Variants in TRMT5 observed in about 807,000 individuals in gnomAD.
The protein encoded by TRMT5 is tRNA methyltransferase 5, also known as tRNA (guanine(37)-N(1))-methyltransferase.
In TRMT5, 31 loss-of-function variants were observed where a neutral mutation model predicts 42.2. That is an observed-to-expected ratio of 0.73 (90% CI 0.55 to 0.99). TRMT5 has a LOEUF of 0.99. Among genes scored for constraint, TRMT5 ranks in the 50% least tolerant of loss-of-function variants. The pLI, the probability that TRMT5 is intolerant of heterozygous loss-of-function variation, is 0.00. For missense variants in TRMT5, 568 were observed against 595.0 expected, an observed-to-expected ratio of 0.95 and a Z score of 0.47; for synonymous variants, 198 against 209.6, an observed-to-expected ratio of 0.94 and a Z score of 0.48.
chr14:60,976,312 GCCAGTTA>G (rs2036846458), intron 3 of TRMT5, among the ~76,000 whole-genome samples, 186 bp from the exon 4 acceptor site: 2 of 152,104 alleles, frequency 1.3e-5, no homozygotes, highest in South Asian at 4.1e-4. Flanking sequence ...TATTCCTAAG[GCCAGTTA>G]ATATACTGCA....
upstream of TRMT5, chr14:60,981,674 ATG>A (rs1461041829): frequency 7.2e-7 from 1 of 1,398,568 alleles, no homozygotes; most frequent in South Asian, 1.2e-5. Flanking sequence ...CCCTAGGATT[ATG>A]TACTCACTGC....
At chr14:60,977,719 G>T in intron 2 of TRMT5, 81 bp from the exon 3 acceptor site, 3 of 1,366,464 alleles carry the variant, frequency 2.2e-6, no homozygotes, top group South Asian at 1.6e-5. Context: ...AAACAGAAAT[G>T]AGTTGTATTT....
rs2036811077 is a variant in TRMT5 at position 60,973,901 on chromosome 14, A to G, written c.*1208T>C. On this transcript the variant is annotated 3_prime_UTR_variant, in exon 5 of 5. Transcript: ENST00000261249. ...AGAGACTTACTGTTGTTGCAGCCTC[A>G]TTTTCATTTTGTGAAGAAATTCTGC... The G allele has an allele frequency of 6.6e-6, 1 of 152,120 alleles. No individual in the cohort carries two copies. Among genetic ancestry groups the G allele is most frequent in the Admixed American group, 6.5e-5 (1 of 15,270 alleles). The allele number at this position is 152,120 out of a possible 1,614,324, so 9.4% of individuals were successfully genotyped here. A position where few individuals can be genotyped will look rare whatever the true frequency, so the allele number is the denominator to read the frequency against.
Position 60,979,617 on chromosome 14 carries a change from A to C in TRMT5, c.281T>G (p.Val94Gly). The change falls in exon 2 of 5, where the codon GTC becomes GGC. Residue 94 changes from valine (V) to glycine (G), a missense_variant. Physicochemically the swap from Val to Gly is moderately radical, Grantham distance 109. Transcript: ENST00000261249. ...KLDRTAFKKT[V>G]NIPVLKVRKE... ...CCTCACTTTAAGCACTGGAATGTTGACTGTCTTTTTAAAAGCTGTTCTATC... is the reference window on the plus strand; with the variant it reads ...CCTCACTTTAAGCACTGGAATGTTGCCTGTCTTTTTAAAAGCTGTTCTATC... 2 of 1,614,094 alleles carry C rather than the reference A, an allele frequency of 1.2e-6. No homozygotes were observed. The highest frequency in any genetic ancestry group is 1.7e-6 in the Non-Finnish European group (2 of 1,180,018).
intron 3 of TRMT5, among the ~76,000 whole-genome samples, chr14:60,977,181 T>C (rs2036858921): frequency 1.3e-5 from 2 of 152,216 alleles, no homozygotes; most frequent in East Asian, 3.8e-4. Flanking sequence ...GAGAACTATT[T>C]TATACATACT....
intron 4 of TRMT5, 118 bp from the exon 5 acceptor site, chr14:60,975,312 T>C: frequency 7.6e-7 from 1 of 1,308,740 alleles, no homozygotes; most frequent in Non-Finnish European, 1.0e-6. Flanking sequence ...AATAACATTC[T>C]TGCAGATTTA....
chr14:60,975,316 A>C, intron 4 of TRMT5, 122 bp from the exon 5 acceptor site: 1 of 1,303,824 alleles, frequency 7.7e-7, no homozygotes, highest in African/African-American at 1.5e-5. Flanking sequence ...ACATTCTTGC[A>C]GATTTACTAT....
chr14:60,981,620 G>C (rs1274235206), upstream of TRMT5: 4 of 1,469,704 alleles, frequency 2.7e-6, no homozygotes, highest in South Asian at 2.4e-5. Context: ...GGGTGGAAGA[G>C]ATGCAGCGTT....
Position 60,975,811 on chromosome 14 carries a change from G to C in TRMT5, c.1108C>G (p.Gln370Glu), listed in dbSNP as rs753606672. The change falls in exon 4 of 5, where the codon CAG becomes GAG. Residue 370 changes from glutamine (Q) to glutamate (E), a missense_variant. Coordinates refer to ENST00000261249, the MANE Select transcript of TRMT5 (RefSeq NM_020810.3). Reference protein sequence around the residue: ...LQGPVKEELMQLLGLSKERKP... With the variant: ...LQGPVKEELMELLGLSKERKP... ...CTTTCTTTTGACAGACCCAGCAGCT[G>C]CATTAACTCTTCTTTGACTGGTCCT... The C allele has an allele frequency of 6.2e-6, 10 of 1,614,118 alleles. No homozygotes were observed. Among genetic ancestry groups the C allele is most frequent in the East Asian group, 2.2e-5 (1 of 44,902 alleles).
rs2139642830 is a variant in TRMT5, at chr14:60,977,514, C to T, written c.792G>A (p.Lys264=). 6.2e-7 allele frequency: 1 copy of T among 1,601,616 alleles called. No individual in the cohort carries two copies. Among genetic ancestry groups the T allele is most frequent in the Non-Finnish European group, 8.5e-7 (1 of 1,175,068 alleles). Residue 264 remains lysine, a splice_region_variant and synonymous_variant, in exon 3 of 5, where the codon AAG becomes AAA. Coordinates refer to ENST00000261249, the MANE Select transcript of TRMT5 (RefSeq NM_020810.3). ...CTTACTTGGAGATAATAAAATATAC[C>T]TTTGTCATCATGTTCTGCTCTCCAG... is the stretch of plus-strand genomic sequence containing the variant. The part of the protein sequence containing the change: ...VLSGEQNMMT[K]VRENNYTYEF...
chr14:60,980,395 C>G (rs2036936182), intron 1 of TRMT5, among the ~76,000 whole-genome samples: 1 of 152,158 alleles, frequency 6.6e-6, no homozygotes, highest in Non-Finnish European at 1.5e-5. Context: ...AAAGCTCAGA[C>G]GTAAGGTAAC....
chr14:60,975,730 T>G lies in TRMT5; in HGVS notation c.1189A>C (p.Ser397Arg), dbSNP rs374080694. ...CCATCTAAAAGCCACTTGAAAGCACTAAGAAACTCTATAGCTTTTGCTGGC... is the reference window on the plus strand; with the variant it reads ...CCATCTAAAAGCCACTTGAAAGCACGAAGAAACTCTATAGCTTTTGCTGGC... ...NLPAKAIEFL[S>R]AFKWLLDGQP... The change falls in exon 4 of 5, where the codon AGT becomes CGT. Residue 397 changes from serine (S) to arginine (R), a missense_variant. Transcript: ENST00000261249. The G allele has an allele frequency of 1.7e-5, 28 of 1,614,100 alleles. No homozygotes were observed. In the African/African-American group the frequency reaches 3.1e-4, roughly 18 times the overall value.
In TRMT5 at chr14:60,979,506, T is replaced by A. The variant is rs114026988; in HGVS notation, c.392A>T (p.Glu131Val). ...CATGATTAGTCTACTTTCTTTATCTTCCGGATCTTCAATCACACGTCTTAT... is the reference window on the plus strand; with the variant it reads ...CATGATTAGTCTACTTTCTTTATCTACCGGATCTTCAATCACACGTCTTAT... ...PGIRRVIEDP[E>V]DKESRLIMLD... Residue 131 changes from glutamate (E) to valine (V), a missense_variant, in exon 2 of 5, where the codon GAA (glutamate) becomes GTA (valine). Transcript: ENST00000261249. The A allele has an allele frequency of 1.9e-5, 31 of 1,614,200 alleles. No homozygotes were observed. The African/African-American group carries it at 4.1e-4, about 22-fold the overall frequency.
chr14:60,981,588 G>C, upstream of TRMT5: 2 of 1,510,386 alleles, frequency 1.3e-6, no homozygotes, highest in Non-Finnish European at 1.8e-6. Flanking sequence ...GCATACTCTA[G>C]AAAGAAAAGA....
intron 2 of TRMT5, 132 bp from the exon 3 acceptor site, chr14:60,977,770 G>A: frequency 1.3e-6 from 1 of 787,538 alleles, no homozygotes; most frequent in Non-Finnish European, 1.8e-6. Flanking sequence ...GTGTAATGTG[G>A]CATGCAATTT....
chr14:60,981,214 C>A (rs1048585739), upstream of TRMT5: 15 of 1,549,490 alleles, frequency 9.7e-6, no homozygotes, highest in Non-Finnish European at 1.2e-5. Context: ...GCGCGACCGA[C>A]GACTGGAGCG....
At chr14:60,981,406 C>T, upstream of TRMT5, 1 of 1,566,258 alleles carries the variant, frequency 6.4e-7, no homozygotes. Context: ...GTTCGCTTCC[C>T]CGCGCTGACG....
At chr14:60,976,261 T>A in intron 3 of TRMT5, 135 bp from the exon 4 acceptor site, 1 of 1,014,556 alleles carries the variant, frequency 9.9e-7, no homozygotes, top group Non-Finnish European at 1.4e-6. Flanking sequence ...CAAACAACAG[T>A]GCATTTAAAG....
At position 60,975,589 on chromosome 14, in the gene TRMT5, C is replaced by T. The variant is rs1325766488; in HGVS notation, c.1330G>A (p.Glu444Lys). The change falls in exon 4 of 5, where the codon GAG (glutamate) becomes AAG (lysine). Residue 444 changes from glutamate (E) to lysine (K), a missense_variant. Glu to Lys is a moderately conservative substitution (Grantham distance 56). Transcript: ENST00000261249. ...RAGAVLGISL[E>K]ACSSVHLVRN... The stretch of plus-strand genomic sequence containing the variant: ...ACCAGGTGAACTGAACTGCATGCCT[C>T]CAGAGAAATGCCTAACACAGCTCCA... The T allele has an allele frequency of 1.9e-6, 3 of 1,614,080 alleles. No individual in the cohort carries two copies. The highest frequency in any genetic ancestry group is 1.7e-6 in the Non-Finnish European group (2 of 1,180,042).
Sources: gnomAD v4.1 joint callset for allele counts (sites outside exome capture counted in the v4.1 genomes callset) on GRCh38, gnomAD v4.1.1 for gene constraint, MANE v1.5 for transcripts, NCBI Gene and HGNC (gene_info 2026-07-23, HGNC 2026-07-21) for gene names.